The following ABCA7 variants were observed in gnomAD, a reference collection of about 807,000 sequenced individuals.
ABCA7 encodes the protein ATP binding cassette subfamily A member 7.
In ABCA7, 261 loss-of-function variants were observed where a neutral mutation model predicts 227.6. The observed-to-expected ratio is 1.15, with a 90% CI of 1.04 to 1.27. ABCA7 has a LOEUF of 1.27. Ranked by LOEUF, ABCA7 falls within the 50% of genes most tolerant of loss-of-function variation. The probability of loss-of-function intolerance (pLI) is 0.00; values close to 1 mark genes in which losing one functional copy is unlikely to be tolerated. For missense variants in ABCA7, 3,331 were observed against 2,924.5 expected (o/e 1.14, Z -3.21); for synonymous variants, 1,488 against 1,279.7 (o/e 1.16, Z -3.47).
intron 35 of ABCA7, 136 bp from the exon 36 acceptor site, chr19:1,057,779 A>G (rs2042383640): frequency 2.5e-6 from 3 of 1,193,290 alleles, no homozygotes; most frequent in Non-Finnish European, 3.4e-6. Context: ...GAGAGAAAGA[A>G]AAAAAAAAAA....
In ABCA7 at chr19:1,063,666, C is replaced by T; in HGVS notation, c.5835C>T (p.Ala1945=). 6.2e-7 allele frequency: 1 copy of T among 1,604,404 alleles called. No homozygotes were observed. Among genetic ancestry groups the T allele is most frequent in the Non-Finnish European group, 8.5e-7 (1 of 1,176,788 alleles). The change falls in exon 43 of 47, where the codon GCC becomes GCT. Residue 1945 remains alanine (A), a synonymous_variant. Coordinates refer to ENST00000263094, the MANE Select transcript of ABCA7 (RefSeq NM_019112.4). ...CCCTGGCGCTGGTTGGGGACCCAGC[C>T]GTGGTGTTTCTGGTGCGTGGGAGCG... ...ATALALVGDP[A]VVFLDEPTTG...
chr19:1,048,808 C>CA (rs375803635), intron 16 of ABCA7, 87 bp from the exon 17 acceptor site: 127,443 of 477,852 alleles, frequency 0.27, 1,180 homozygotes, highest in East Asian at 0.35. Flanking sequence ...GACTCCGTCT[C>CA]AAAAAAAAAA....
chr19:1,044,798 C>T, intron 11 of ABCA7, 54 bp downstream of exon 11: 1 of 1,538,912 alleles, frequency 6.5e-7, no homozygotes, highest in East Asian at 2.4e-5. Context: ...CAGGTCCCAT[C>T]CTAGTGTTCC....
rs140313804 is a variant in ABCA7, at chr19:1,056,089, G to C, written c.4262G>C (p.Gly1421Ala). The C allele has an allele frequency of 2.5e-6, 4 of 1,598,494 alleles. No homozygotes were observed. Among genetic ancestry groups the C allele is most frequent in the Non-Finnish European group, 3.4e-6 (4 of 1,171,474 alleles). Residue 1421 changes from glycine (G) to alanine (A), a missense_variant, in exon 32 of 47, where the codon GGC becomes GCC. Physicochemically the swap from Gly to Ala is moderately conservative, Grantham distance 60. Transcript: ENST00000263094. This position sits in a 1 kb window ranked among gnomAD's most constrained non-coding sequence, Gnocchi z 4.3. ...AGATACGGAGGCTTCTCGCTGGGGG[G>C]CCGAGACCCAGGCCTGCCCTCGGGC... ...EVRYGGFSLG[G>A]RDPGLPSGQE...
rs1011804386 is a variant in ABCA7 at position 1,049,108 on chromosome 19, C to G, written c.2380+103C>G. On this transcript the variant is annotated intron_variant, in intron 17 of 46. Transcript: ENST00000263094. ...AATGACAATGACCTGGACACCCCAA[C>G]CCTCACACCTGCCCTGAAGACACTG... 13 of 1,005,568 alleles carry G rather than the reference C, an allele frequency of 1.3e-5. No individual in the cohort carries two copies. The African/African-American group carries it at 1.9e-4, about 15-fold the overall frequency. 62.3% of individuals were successfully genotyped at this position (1,005,568 alleles called of 1,614,324 possible).
In ABCA7 at chr19:1,065,305, C is replaced by T; in HGVS notation, c.6321C>T (p.Asp2107=). 1 of 1,613,524 alleles carries T rather than the reference C, an allele frequency of 6.2e-7. No homozygotes were observed. The highest frequency in any genetic ancestry group is 8.5e-7 in the Non-Finnish European group (1 of 1,179,984). ...FLYFSKDQGK[D]EDTEEQKEAG... ...ACTTCTCCAAGGACCAGGGGAAGGA[C>T]GAGGACACCGAAGAGCAGAAGGAGG... Residue 2107 remains aspartate, a synonymous_variant, in exon 47 of 47, where the codon GAC becomes GAT. Transcript: ENST00000263094.
rs369433123 is a variant in ABCA7 at position 1,048,970 on chromosome 19, G to A, written c.2345G>A (p.Ser782Asn). 1.5e-5 allele frequency: 24 copies of A among 1,607,490 alleles called. No individual in the cohort carries two copies. The highest frequency in any genetic ancestry group is 2.0e-5 in the Non-Finnish European group (24 of 1,177,524). ...TGGTGCGGACCTCGGCCCCCCAAGAGTCCAGCCCCTTGCCCCACCCCGCTG... is the reference window on the plus strand; with the variant it reads ...TGGTGCGGACCTCGGCCCCCCAAGAATCCAGCCCCTTGCCCCACCCCGCTG... ...SYWCGPRPPK[S>N]PAPCPTPLDP... Residue 782 changes from serine (S) to asparagine (N), a missense_variant, in exon 17 of 47, where the codon AGT becomes AAT. Coordinates refer to ENST00000263094, the MANE Select transcript of ABCA7 (RefSeq NM_019112.4).
rs748990582 is a variant in ABCA7, at chr19:1,045,099, T to A, written c.1313T>A (p.Val438Asp). Residue 438 changes from valine to aspartate, a missense_variant, in exon 12 of 47, where the codon GTC (valine) becomes GAC (aspartate). Val to Asp is a radical substitution (Grantham distance 152, BLOSUM62 -3). Transcript: ENST00000263094. ...LLAEHRFWAG[V>D]VFLGPEDSSD... The stretch of plus-strand genomic sequence containing the variant: ...GCGGAACATCGATTCTGGGCCGGCG[T>A]CGTCTTCTTGGGACCTGAGGACTCT... 7 of 1,612,738 alleles carry A rather than the reference T, an allele frequency of 4.3e-6. No homozygotes were observed. The African/African-American group carries it at 9.4e-5, about 22-fold the overall frequency.
chr19:1,049,176 A>G, intron 17 of ABCA7, 90 bp from the exon 18 acceptor site: 1 of 1,430,954 alleles, frequency 7.0e-7, no homozygotes, highest in Non-Finnish European at 9.5e-7. Context: ...CCGGCCCAGC[A>G]GGTCCCGGAT....
chr19:1,054,484 T>A lies in ABCA7; in HGVS notation c.3727-86T>A. 1 of 1,572,628 alleles carries A rather than the reference T, an allele frequency of 6.4e-7. No homozygotes were observed. The highest frequency in any genetic ancestry group is 8.6e-7 in the Non-Finnish European group (1 of 1,158,456). The stretch of plus-strand genomic sequence containing the variant: ...ATTTATTGAGGGCACTGGGGAGCCA[T>A]GGGTGGTTGTAGAGCAGGAGCAGGG... On this transcript the variant is annotated intron_variant, in intron 27 of 46. Transcript: ENST00000263094. This position sits in a 1 kb window ranked among gnomAD's most constrained non-coding sequence, Gnocchi z 4.8.
At chr19:1,062,020 A>T (rs565905026) in intron 41 of ABCA7, 132 bp downstream of exon 41, 1 of 1,430,392 alleles carries the variant, frequency 7.0e-7, no homozygotes, top group Admixed American at 2.1e-5. Context: ...AGACCCCTGC[A>T]CCTCTACCTC....
rs774101964 is a variant in ABCA7 at position 1,058,820 on chromosome 19, G to T, written c.5280G>T (p.Gln1760His). 6.3e-7 allele frequency: 1 copy of T among 1,582,342 alleles called. No individual in the cohort carries two copies. Among genetic ancestry groups the T allele is most frequent in the Admixed American group, 1.8e-5 (1 of 56,352 alleles). Residue 1760 changes from glutamine to histidine, a missense_variant and splice_region_variant, in exon 39 of 47, where the codon CAG becomes CAT. Transcript: ENST00000263094. ...AAGCCCACAGATATTCTGTCCCCAG[G>T]CCCAGGGTGAGGTCTCTGCCACTCC... ...LLQHRSQLLP[Q>H]PRVRSLPLLG...
At chr19:1,058,566 G>A in intron 37 of ABCA7, 52 bp from the exon 38 acceptor site, 1 of 1,602,870 alleles carries the variant, frequency 6.2e-7, no homozygotes, top group Non-Finnish European at 8.5e-7. Context: ...ATGGAGAAAG[G>A]GCCAGAAACC....
At position 1,055,271 on chromosome 19, in the gene ABCA7, T is replaced by C; in HGVS notation, c.4125T>C (p.Ser1375=). ...CTCCGCCCCAGGCAGTGACCGGCTCTGGGGAAGTGGTTCAGAACCTGACAG... is the reference window on the plus strand; with the variant it reads ...CTCCGCCCCAGGCAGTGACCGGCTCCGGGGAAGTGGTTCAGAACCTGACAG... ...GPPPPQAVTG[S]GEVVQNLTGR... Residue 1375 remains serine (S), a synonymous_variant, in exon 30 of 47, where the codon TCT becomes TCC. Transcript: ENST00000263094. 1.9e-6 allele frequency: 3 copies of C among 1,604,314 alleles called. No individual in the cohort carries two copies. Among genetic ancestry groups the C allele is most frequent in the African/African-American group, 1.3e-5 (1 of 74,874 alleles).
rs1368485125 is a variant in ABCA7 at position 1,055,466 on chromosome 19, A to G, written c.4205+115A>G. On this transcript the variant is annotated intron_variant, in intron 30 of 46. Transcript: ENST00000263094. ...GGGGTTGGATGCCCAGCTTGGGGCT[A>G]CGGGCTGGGAGTCTCGCGTACCTTC... The G allele has an allele frequency of 6.6e-6, 8 of 1,208,026 alleles. No homozygotes were observed. The South Asian group carries it at 1.1e-4, about 17-fold the overall frequency. 74.8% of individuals were successfully genotyped at this position (1,208,026 alleles called of 1,614,324 possible).
rs375362270 is a variant in ABCA7, at chr19:1,058,007, T to C, written c.4973T>C (p.Ile1658Thr). The change falls in exon 36 of 47, where the codon ATT becomes ACT. Residue 1658 changes from isoleucine (I) to threonine (T), a missense_variant. Physicochemically the swap from Ile to Thr is moderately conservative, Grantham distance 89 (BLOSUM62 -1). Coordinates refer to ENST00000263094, the MANE Select transcript of ABCA7 (RefSeq NM_019112.4). ...YVVLTCINLF[I>T]GINGSMATFV... is the part of the protein sequence containing the mutation. ...GTGCTCACCTGCATAAACCTCTTTA[T>C]TGGCATCAATGGAAGCATGGCCACC... 6.8e-6 allele frequency: 11 copies of C among 1,614,088 alleles called. No homozygotes were observed. The Admixed American group carries it at 1.2e-4, about 17-fold the overall frequency.
intron 12 of ABCA7, 48 bp downstream of exon 12, chr19:1,045,279 G>C (rs199783650): frequency 1.3e-4 from 194 of 1,514,346 alleles, no homozygotes; most frequent in Admixed American, 5.1e-4. Context: ...GCGGGGCCAA[G>C]AGCGTGGTGG....
At chr19:1,045,672 C>T in intron 12 of ABCA7, 1 of 174,638 alleles carries the variant, frequency 5.7e-6, no homozygotes, top group South Asian at 1.2e-4. Flanking sequence ...CCCCGCCCCC[C>T]TCCCCCACCA....
Position 1,051,966 on chromosome 19 carries a change from A to C in ABCA7, c.2987A>C (p.His996Pro), listed in dbSNP as rs747325131. 1 of 1,611,912 alleles carries C rather than the reference A, an allele frequency of 6.2e-7. No individual in the cohort carries two copies. Among genetic ancestry groups the C allele is most frequent in the South Asian group, 1.1e-5 (1 of 91,040 alleles). ...REGRTLILST[H>P]HLDEAELLGD... The stretch of plus-strand genomic sequence containing the variant: ...GGTCGCACGCTGATCCTCTCCACCC[A>C]CCACCTGGATGAGGCAGAGCTGCTG... Residue 996 changes from histidine (H) to proline (P), a missense_variant, in exon 22 of 47, where the codon CAC becomes CCC. Physicochemically the swap from His to Pro is moderately conservative, Grantham distance 77. Coordinates refer to ENST00000263094, the MANE Select transcript of ABCA7 (RefSeq NM_019112.4).
Sources: allele counts gnomAD v4.1 joint callset, GRCh38; gene constraint gnomAD v4.1.1; non-coding constraint Gnocchi (gnomAD v3.1); transcripts MANE v1.5; gene names NCBI Gene and HGNC (gene_info 2026-07-23, HGNC 2026-07-21).